The following BACH2 variants were observed in gnomAD, a reference collection of about 807,000 sequenced individuals.
The protein encoded by BACH2 is transcription regulator protein BACH2.
A neutral mutation model predicts 61.8 loss-of-function variants in BACH2; 5 were observed. The observed-to-expected ratio is 0.08, with a 90% CI of 0.04 to 0.17. BACH2 has a LOEUF of 0.17. Among genes scored for constraint, BACH2 ranks in the 10% least tolerant of loss-of-function variants. The pLI is 1.00. For synonymous variants in BACH2, 446 were observed against 440.1 expected, an observed-to-expected ratio of 1.01 and a Z score of -0.17; for missense variants, 824 against 1,091.1, an observed-to-expected ratio of 0.76 and a Z score of 3.45.
intron 4 of BACH2, among the ~76,000 whole-genome samples, chr6:90,203,635 C>A (rs759236467): frequency 6.6e-6 from 1 of 152,016 alleles, no homozygotes; most frequent in African/African-American, 2.4e-5. Flanking sequence ...TGCCTGTTTA[C>A]AATATTTAAA....
At chr6:90,171,118 T>C (rs1767797000) in intron 4 of BACH2, among the ~76,000 whole-genome samples, 1 of 151,244 alleles carries the variant, frequency 6.6e-6, no homozygotes, top group African/African-American at 2.4e-5. Flanking sequence ...CCTCAAAAAA[T>C]ACAAAGCCCA....
At chr6:90,286,298 T>C (rs931278768) in intron 1 of BACH2, among the ~76,000 whole-genome samples, 5 of 152,220 alleles carry the variant, frequency 3.3e-5, no homozygotes, top group Non-Finnish European at 7.3e-5. Context: ...ATGTACTGTT[T>C]AATGTGGGAA....
At position 90,014,420 on chromosome 6, in the gene BACH2, T is replaced by TTGTGTGTGTG. The variant is rs764203742; in HGVS notation, c.-12-5574_-12-5565dup. Among the ~76,000 whole-genome samples the TTGTGTGTGTG allele has an allele frequency of 7.3e-4, 56 of 76,764 alleles. 1 individual carries two copies. The highest frequency in any genetic ancestry group is 2.9e-3 in the African/African-American group (38 of 13,060). The allele number at this position is 76,764 out of a possible 152,430, so 50.4% of individuals were successfully genotyped here. On this transcript the variant is annotated intron_variant, in intron 5 of 8. Transcript: ENST00000257749. ...AATTGTCAAATTTATTGGCATAAAA[T>TTGTGTGTGTG]TGTGTGTGTGTGTGTGTGTGTATAT... is the stretch of plus-strand genomic sequence containing the variant.
intron 6 of BACH2, among the ~76,000 whole-genome samples, chr6:89,967,168 T>C (rs1180594141): frequency 1.3e-5 from 2 of 152,190 alleles, no homozygotes; most frequent in African/African-American, 4.8e-5. Context: ...TTCAGAATGG[T>C]ACCTTGGAGG....
intron 3 of BACH2, among the ~76,000 whole-genome samples, chr6:90,243,035 A>C (rs1770506100): frequency 7.4e-5 from 10 of 134,748 alleles, no homozygotes; most frequent in South Asian, 2.6e-4. Flanking sequence ...ATACACCACC[A>C]TGCCCGGCTA....
chr6:90,256,375 C>T (rs1043826001), intron 2 of BACH2, among the ~76,000 whole-genome samples: 5 of 152,192 alleles, frequency 3.3e-5, no homozygotes, highest in Non-Finnish European at 5.9e-5. Flanking sequence ...TCCATAAAAA[C>T]CTTCCATGTG....
chr6:90,237,626 C>T (rs774624724), intron 3 of BACH2, among the ~76,000 whole-genome samples: 173 of 152,226 alleles, frequency 1.1e-3, no homozygotes, highest in East Asian at 1.3e-3. Context: ...CAATAGTTTA[C>T]TTTCTCTTAA....
chr6:90,012,713 T>A (rs1002555887), intron 5 of BACH2, among the ~76,000 whole-genome samples: 1 of 151,698 alleles, frequency 6.6e-6, no homozygotes, highest in Non-Finnish European at 1.5e-5. Flanking sequence ...GTCACCCAGA[T>A]GGAGTGCAGT....
chr6:90,222,308 TGAA>T (rs1378415029), intron 3 of BACH2, among the ~76,000 whole-genome samples: 1 of 152,140 alleles, frequency 6.6e-6, no homozygotes, highest in African/African-American at 2.4e-5. Flanking sequence ...GGCAACAATG[TGAA>T]GAAGCAGAAA....
intron 3 of BACH2, among the ~76,000 whole-genome samples, chr6:90,239,934 A>G (rs1442572496): frequency 2.0e-5 from 3 of 152,142 alleles, no homozygotes; most frequent in Non-Finnish European, 4.4e-5. Flanking sequence ...AAAAACGAAC[A>G]CATGAATCAA....
At chr6:89,935,187 C>T (rs141250247) in intron 8 of BACH2, among the ~76,000 whole-genome samples, 2 of 152,132 alleles carry the variant, frequency 1.3e-5, no homozygotes, top group African/African-American at 2.4e-5. Context: ...AGCTGCTCCG[C>T]CCACCAGCGC....
chr6:90,005,899 G>A lies in BACH2; in HGVS notation c.243+2703C>T, dbSNP rs115906642. On this transcript the variant is annotated intron_variant, in intron 6 of 8. Transcript: ENST00000257749. ...CAGGGATGATAATCATTTTACAGGGGGAGGAAGAAAGAAAATCAACACACA... is the reference window on the plus strand; with the variant it reads ...CAGGGATGATAATCATTTTACAGGGAGAGGAAGAAAGAAAATCAACACACA... 2.6e-3 allele frequency among the ~76,000 whole-genome samples: 398 copies of A among 152,238 alleles called. 1 individual carries two copies. Among genetic ancestry groups the A allele is most frequent in the African/African-American group, 9.3e-3 (386 of 41,538 alleles).
At chr6:89,958,567 C>T (rs546162146) in intron 6 of BACH2, among the ~76,000 whole-genome samples, 2 of 152,308 alleles carry the variant, frequency 1.3e-5, no homozygotes, top group East Asian at 3.9e-4. Flanking sequence ...ATGAATAAAA[C>T]ACCACCTTTT....
intron 1 of BACH2, among the ~76,000 whole-genome samples, chr6:90,282,193 T>G (rs558871691): frequency 6.6e-6 from 1 of 152,346 alleles, no homozygotes; most frequent in African/African-American, 2.4e-5. Flanking sequence ...GGTATGCACA[T>G]GTACTGGTTT....
intron 5 of BACH2, among the ~76,000 whole-genome samples, chr6:90,069,166 T>C (rs9351233): frequency 0.33 from 50,153 of 151,736 alleles, 8,729 homozygotes; most frequent in East Asian, 0.68. Flanking sequence ...GACGGGATCC[T>C]ATCATTCACT....
At chr6:90,242,286 T>C (rs1271047270) in intron 3 of BACH2, among the ~76,000 whole-genome samples, 1 of 152,242 alleles carries the variant, frequency 6.6e-6, no homozygotes. Context: ...ACTGATCTTT[T>C]TACTGTCTCT....
chr6:90,227,837 G>C (rs1052688850), intron 3 of BACH2, among the ~76,000 whole-genome samples: 3 of 151,702 alleles, frequency 2.0e-5, no homozygotes, highest in Non-Finnish European at 4.4e-5. Flanking sequence ...AAGTATTCTT[G>C]GTATTAAATC....
chr6:89,938,120 A>T, intron 8 of BACH2, 24 bp downstream of exon 8: 2 of 1,603,204 alleles, frequency 1.2e-6, no homozygotes, highest in South Asian at 2.2e-5. Context: ...CAGGTTGCTG[A>T]TCACAATGGA....
At chr6:89,938,492 C>T in intron 7 of BACH2, 142 bp from the exon 8 acceptor site, 2 of 678,072 alleles carry the variant, frequency 2.9e-6, no homozygotes, top group Non-Finnish European at 5.0e-6. Flanking sequence ...TTACTTATTT[C>T]CTGTTTAAAG....
Sources: allele counts gnomAD v4.1 joint callset (sites outside exome capture counted in the v4.1 genomes callset), GRCh38; gene constraint gnomAD v4.1.1; transcripts MANE v1.5; gene names NCBI Gene and HGNC (gene_info 2026-07-23, HGNC 2026-07-21).